The following ARHGAP18 variants were observed in gnomAD, a reference collection of about 807,000 sequenced individuals.
ARHGAP18 encodes rho GTPase-activating protein 18.
Under a neutral mutation model 86.2 loss-of-function variants are expected in ARHGAP18, and 67 were observed. The observed-to-expected ratio is 0.78, with a 90% confidence interval of 0.64 to 0.95. ARHGAP18 has a LOEUF of 0.95. Ranked by LOEUF, ARHGAP18 falls within the 40% of genes least tolerant of loss-of-function variation. The pLI, the probability that ARHGAP18 is intolerant of heterozygous loss-of-function variation, is 0.00. For synonymous variants in ARHGAP18, 283 were observed against 280.4 expected (o/e 1.01, Z -0.09); for missense variants, 691 against 780.4 (o/e 0.89, Z 1.37).
chr6:129,588,453 C>T (rs1316631852), intron 12 of ARHGAP18, among the ~76,000 whole-genome samples: 2 of 150,160 alleles, frequency 1.3e-5, no homozygotes, highest in East Asian at 1.9e-4. Flanking sequence ...TCTTCTTTGA[C>T]TCCATGTCTC....
intron 1 of ARHGAP18, among the ~76,000 whole-genome samples, chr6:129,658,773 G>C (rs1364105483): frequency 6.7e-6 from 1 of 149,536 alleles, no homozygotes; most frequent in Non-Finnish European, 1.5e-5. Flanking sequence ...TTCACTGGTA[G>C]AGTCTTCACT....
chr6:129,672,541 C>G (rs1388849054), intron 1 of ARHGAP18, among the ~76,000 whole-genome samples: 1 of 152,216 alleles, frequency 6.6e-6, no homozygotes, highest in Non-Finnish European at 1.5e-5. Context: ...AGTTCCATAT[C>G]TACACAGGCT....
intron 5 of ARHGAP18, among the ~76,000 whole-genome samples, chr6:129,626,065 T>TACACACACACACACACACAC (rs71028169): frequency 2.0e-5 from 2 of 101,532 alleles, no homozygotes; most frequent in African/African-American, 7.3e-5. Flanking sequence ...TATACACATA[T>TACACACACACACACACACAC]ACACACACAC....
intron 4 of ARHGAP18, 29 bp downstream of exon 4, chr6:129,634,013 A>AC: frequency 6.3e-7 from 1 of 1,577,936 alleles, no homozygotes; most frequent in Non-Finnish European, 8.6e-7. Flanking sequence ...GCGGAAAAAA[A>AC]AAAAAACAAG....
chr6:129,590,691 C>T (rs1788490998), intron 12 of ARHGAP18, among the ~76,000 whole-genome samples: 1 of 152,190 alleles, frequency 6.6e-6, no homozygotes, highest in Non-Finnish European at 1.5e-5. Context: ...TATCAATATC[C>T]TTGGAAAGCA....
At chr6:129,608,474 C>T (rs1014329999) in intron 8 of ARHGAP18, among the ~76,000 whole-genome samples, 1 of 151,920 alleles carries the variant, frequency 6.6e-6, no homozygotes, top group African/African-American at 2.4e-5. Context: ...TAAAAAAATA[C>T]ATAATCAGTC....
At chr6:129,608,619 A>G (rs542599963) in intron 8 of ARHGAP18, among the ~76,000 whole-genome samples, 3 of 152,296 alleles carry the variant, frequency 2.0e-5, no homozygotes, top group Admixed American at 6.5e-5. Context: ...TGCCAGCTGC[A>G]AAAAACAGTC....
chr6:129,689,306 T>G (rs1372161754), intron 1 of ARHGAP18, among the ~76,000 whole-genome samples: 2 of 152,280 alleles, frequency 1.3e-5, no homozygotes, highest in Non-Finnish European at 2.9e-5. Flanking sequence ...GTTTTTTGTC[T>G]TTTTTGAGAC....
chr6:129,680,386 G>A (rs1774305056), intron 1 of ARHGAP18, among the ~76,000 whole-genome samples: 2 of 152,184 alleles, frequency 1.3e-5, no homozygotes, highest in South Asian at 4.1e-4. Flanking sequence ...TATTTAAGGC[G>A]TTTAAGGTGA....
At chr6:129,584,425 A>G (rs570816779) in intron 12 of ARHGAP18, among the ~76,000 whole-genome samples, 3 of 152,354 alleles carry the variant, frequency 2.0e-5, no homozygotes, top group Admixed American at 1.3e-4. Context: ...GTGCTTCTTC[A>G]TGTAGCAATT....
rs1491088648 is a variant in ARHGAP18 at position 129,668,399 on chromosome 6, CAG to C, written c.114-26383_114-26382del. 5.9e-3 allele frequency among the ~76,000 whole-genome samples: 805 copies of C among 135,508 alleles called. 8 individuals are homozygous for C. The highest frequency in any genetic ancestry group is 0.033 in the East Asian group (160 of 4,882). The allele number at this position is 135,508 out of a possible 152,430, so 88.9% of individuals were successfully genotyped here. ...ACACACACACACACACACACACACA[CAG>C]ACACACACACCATTAAAAACAGTCT... is the stretch of plus-strand genomic sequence containing the variant. On this transcript the variant is annotated intron_variant, in intron 1 of 14. Transcript: ENST00000368149.
chr6:129,669,975 T>C (rs915391289), intron 1 of ARHGAP18, among the ~76,000 whole-genome samples: 4 of 152,222 alleles, frequency 2.6e-5, no homozygotes, highest in African/African-American at 9.6e-5. Context: ...GACACCATAA[T>C]TTTGGCACAC....
intron 1 of ARHGAP18, among the ~76,000 whole-genome samples, chr6:129,649,884 C>T (rs1288328824): frequency 6.7e-6 from 1 of 149,502 alleles, no homozygotes; most frequent in African/African-American, 2.5e-5. Flanking sequence ...ATCGTTGCGG[C>T]TTTCACTCTA....
chr6:129,611,721 G>GTTTCACATATAAATAAAACT, intron 7 of ARHGAP18, 111 bp from the exon 8 acceptor site: 2 of 833,746 alleles, frequency 2.4e-6, no homozygotes, highest in Non-Finnish European at 3.8e-6. Flanking sequence ...CATGTAAACT[G>GTTTCACATATAAATAAAACT]GATTTTATGA....
chr6:129,636,594 T>C (rs909362838), intron 3 of ARHGAP18, among the ~76,000 whole-genome samples: 9 of 152,216 alleles, frequency 5.9e-5, no homozygotes, highest in African/African-American at 2.2e-4. Flanking sequence ...ACTTAAAATC[T>C]GGCCAGGTGC....
intron 12 of ARHGAP18, among the ~76,000 whole-genome samples, chr6:129,591,697 CTCTT>C (rs1379283737): frequency 6.6e-5 from 10 of 152,118 alleles, no homozygotes; most frequent in African/African-American, 2.2e-4. Flanking sequence ...TAAAAGAGGT[CTCTT>C]TCTTTTTCAT....
chr6:129,600,193 A>G (rs1387519368), intron 11 of ARHGAP18, among the ~76,000 whole-genome samples: 1 of 152,174 alleles, frequency 6.6e-6, no homozygotes, highest in Non-Finnish European at 1.5e-5. Context: ...TTGGAAAATG[A>G]GCACCTAATC....
chr6:129,625,105 T>G lies in ARHGAP18; in HGVS notation c.786+4248A>C, dbSNP rs1313476250. Among the ~76,000 whole-genome samples the G allele has an allele frequency of 9.3e-4, 77 of 82,594 alleles. 2 individuals carry two copies. Among genetic ancestry groups the G allele is most frequent in the African/African-American group, 3.1e-3 (65 of 20,994 alleles). The allele number at this position is 82,594 out of a possible 152,430, so 54.2% of individuals were successfully genotyped here. On this transcript the variant is annotated intron_variant, in intron 5 of 14. Coordinates refer to ENST00000368149, the MANE Select transcript of ARHGAP18 (RefSeq NM_033515.3). ...ATGATATATGATATATGATATATAT[T>G]ATATATTATATAGATATATATTATA... is the stretch of plus-strand genomic sequence containing the variant.
At chr6:129,669,831 T>C (rs1470316411) in intron 1 of ARHGAP18, among the ~76,000 whole-genome samples, 1 of 151,768 alleles carries the variant, frequency 6.6e-6, no homozygotes, top group African/African-American at 2.4e-5. Flanking sequence ...ATAATATAGA[T>C]CAAAATGTTA....
Sources: gnomAD v4.1 joint callset for allele counts (sites outside exome capture counted in the v4.1 genomes callset) on GRCh38, gnomAD v4.1.1 for gene constraint, MANE v1.5 for transcripts, NCBI Gene and HGNC (gene_info 2026-07-23, HGNC 2026-07-21) for gene names.